The following DLGAP5 variants were observed in gnomAD, a reference collection of about 807,000 sequenced individuals.
DLGAP5 encodes DLG associated protein 5, also known as disks large-associated protein 5.
A neutral mutation model predicts 99.6 loss-of-function variants in DLGAP5; 90 were observed. The ratio of observed to expected loss-of-function variants is 0.90; its 90% CI spans 0.76 to 1.08. The LOEUF (loss-of-function observed/expected upper bound fraction) is 1.08, where lower values mean the gene tolerates loss of function less well. DLGAP5 is among the 50% of genes least tolerant of loss of function. DLGAP5 has a pLI of 0.00. For missense variants in DLGAP5, 1,036 were observed against 983.5 expected (o/e 1.05, Z -0.71); for synonymous variants, 311 against 321.3 (o/e 0.97, Z 0.34).
chr14:55,148,196 G>T lies in DLGAP5; in HGVS notation c.*155C>A. 1 of 734,574 alleles carries T rather than the reference G, an allele frequency of 1.4e-6. No individual in the cohort carries two copies. Among genetic ancestry groups the T allele is most frequent in the Non-Finnish European group, 2.1e-6 (1 of 470,824 alleles). The allele number at this position is 734,574 out of a possible 1,614,324, so 45.5% of individuals were successfully genotyped here. On this transcript the variant is annotated 3_prime_UTR_variant, in exon 19 of 19. Transcript: ENST00000247191. ...AAATATCCCCACTTCCCTTGAGAAA[G>T]AGTATATCTAAAATACACTTTGATG...
intron 3 of DLGAP5, 68 bp downstream of exon 3, chr14:55,183,492 C>A: frequency 7.5e-7 from 1 of 1,336,560 alleles, no homozygotes; most frequent in South Asian, 1.7e-5. Flanking sequence ...AGGGGTTAGT[C>A]ACTTAATGTC....
chr14:55,173,574 A>C (rs1882944531), intron 10 of DLGAP5, among the ~76,000 whole-genome samples: 1 of 147,816 alleles, frequency 6.8e-6, no homozygotes, highest in African/African-American at 2.7e-5. Flanking sequence ...GTCTCTCTCT[A>C]TAGATATATG....
intron 11 of DLGAP5, 28 bp downstream of exon 11, chr14:55,170,674 C>T: frequency 6.3e-7 from 1 of 1,576,382 alleles, no homozygotes; most frequent in Non-Finnish European, 8.7e-7. Flanking sequence ...AGAAACAAAG[C>T]AAACAAAAAA....
chr14:55,177,312 C>A lies in DLGAP5; in HGVS notation c.799G>T (p.Glu267Ter). The A allele has an allele frequency of 6.2e-7, 1 of 1,604,114 alleles. No homozygotes were observed. Residue 267 changes from glutamate to a stop codon, truncating the protein, a stop_gained, in exon 8 of 19, where the codon GAA becomes TAA. Transcript: ENST00000247191. LOFTEE classifies it high-confidence loss of function. ...GTTTGTGAATTCAAAGTATTTTCTT[C>A]ACTATCGACTTTACAAGAAATACCC... ...DKGISCKVDSEENTLNSQTNA... is the reference protein window; with the variant it reads ...DKGISCKVDS
At chr14:55,149,379 G>C (rs1226923221) in intron 18 of DLGAP5, among the ~76,000 whole-genome samples, 1 of 152,126 alleles carries the variant, frequency 6.6e-6, no homozygotes, top group Non-Finnish European at 1.5e-5. Context: ...TGGTACGTGG[G>C]TCACAGTAAC....
intron 15 of DLGAP5, among the ~76,000 whole-genome samples, chr14:55,153,948 C>T (rs1035787757): frequency 2.6e-5 from 4 of 151,302 alleles, no homozygotes; most frequent in African/African-American, 4.9e-5. Flanking sequence ...CCTAGCTACT[C>T]GGGAGGCTGA....
chr14:55,164,082 G>C (rs1882547196), intron 12 of DLGAP5, among the ~76,000 whole-genome samples: 1 of 152,068 alleles, frequency 6.6e-6, no homozygotes, highest in Admixed American at 6.5e-5. Flanking sequence ...CCTACGAAGA[G>C]TTACGCCACT....
chr14:55,175,230 G>GA, intron 10 of DLGAP5, 116 bp downstream of exon 10: 1 of 848,448 alleles, frequency 1.2e-6, no homozygotes, highest in Non-Finnish European at 1.8e-6. Flanking sequence ...ATTTAAACGT[G>GA]AAAATCACCT....
intron 13 of DLGAP5, among the ~76,000 whole-genome samples, chr14:55,160,742 C>A (rs1882396572): frequency 6.6e-6 from 1 of 152,038 alleles, no homozygotes; most frequent in Admixed American, 6.6e-5. Context: ...CACGCCTGGC[C>A]TAGAAGAGTT....
chr14:55,162,509 C>G (rs138182988), intron 13 of DLGAP5, among the ~76,000 whole-genome samples: 1,696 of 151,790 alleles, frequency 0.011, 32 homozygotes, highest in African/African-American at 0.039. Context: ...TTCCCAGCTA[C>G]TTGGGAGGCT....
chr14:55,180,535 T>C, intron 6 of DLGAP5, 121 bp downstream of exon 6: 2 of 1,378,360 alleles, frequency 1.5e-6, no homozygotes, highest in Non-Finnish European at 9.9e-7. Context: ...TTTCAGGTAT[T>C]AGAATTTCCT....
intron 10 of DLGAP5, among the ~76,000 whole-genome samples, chr14:55,171,795 A>T (rs891246557): frequency 6.6e-6 from 1 of 152,250 alleles, no homozygotes; most frequent in Non-Finnish European, 1.5e-5. Context: ...TAAAAAGGAA[A>T]GTCTGACACA....
chr14:55,190,106 C>T (rs1883559251), intron 1 of DLGAP5, among the ~76,000 whole-genome samples: 1 of 152,134 alleles, frequency 6.6e-6, no homozygotes, highest in Non-Finnish European at 1.5e-5. Context: ...ATAACCCTAT[C>T]AGTTTGCTCC....
intron 1 of DLGAP5, among the ~76,000 whole-genome samples, chr14:55,190,073 C>A (rs1366077279): frequency 6.6e-6 from 1 of 152,164 alleles, no homozygotes. Flanking sequence ...GAAAACAGAA[C>A]AAGACCAAAT....
chr14:55,159,477 T>C (rs980379193), intron 13 of DLGAP5, among the ~76,000 whole-genome samples: 5 of 152,116 alleles, frequency 3.3e-5, no homozygotes, highest in Admixed American at 6.5e-5. Context: ...AAAGGTAGAA[T>C]TGAGAGGACT....
chr14:55,187,318 C>CTTT (rs1194143957), intron 2 of DLGAP5, among the ~76,000 whole-genome samples: 30 of 126,710 alleles, frequency 2.4e-4, no homozygotes, highest in African/African-American at 6.1e-4. Flanking sequence ...CAAAGTGATC[C>CTTT]TTTTTTTTTT....
chr14:55,177,431 A>G lies in DLGAP5; in HGVS notation c.775-95T>C. Reference sequence around the variant, plus strand: ...GGTCTGAAAATATGACAACAGAAATATATGTTCTATGTACATAATTTGAGA... The same window carrying G: ...GGTCTGAAAATATGACAACAGAAATGTATGTTCTATGTACATAATTTGAGA... On this transcript the variant is annotated intron_variant, in intron 7 of 18. Transcript: ENST00000247191. The G allele has an allele frequency of 2.6e-6, 3 of 1,152,658 alleles. No individual in the cohort carries two copies. The South Asian group carries it at 4.9e-5, about 19-fold the overall frequency. 71.4% of individuals were successfully genotyped at this position (1,152,658 alleles called of 1,614,324 possible). A position where few individuals can be genotyped will look rare whatever the true frequency, so the allele number is the denominator to read the frequency against.
At position 55,190,239 on chromosome 14, in the gene DLGAP5, G is replaced by C. The variant is rs1032453088; in HGVS notation, c.-1-1059C>G. The stretch of plus-strand genomic sequence containing the variant: ...GAGCCCAGGAGTTTGAGACCAGCCT[G>C]GGCAACATAACACGACCCCGTCTCT... On this transcript the variant is annotated intron_variant, in intron 1 of 18. Transcript: ENST00000247191. Among the ~76,000 whole-genome samples the C allele has an allele frequency of 4.0e-5, 6 of 151,268 alleles. No individual in the cohort carries two copies. The South Asian group carries it at 1.2e-3, about 31-fold the overall frequency.
chr14:55,181,148 A>T, intron 5 of DLGAP5, 65 bp downstream of exon 5: 1 of 1,444,518 alleles, frequency 6.9e-7, no homozygotes, highest in Non-Finnish European at 9.6e-7. Flanking sequence ...GACCTTCAAG[A>T]CACTTAAAAA....
Sources: gnomAD v4.1 joint callset for allele counts (sites outside exome capture counted in the v4.1 genomes callset) on GRCh38, gnomAD v4.1.1 for gene constraint, MANE v1.5 for transcripts, NCBI Gene and HGNC (gene_info 2026-07-23, HGNC 2026-07-21) for gene names.